The following BACH2 variants were observed in gnomAD, a reference collection of about 807,000 sequenced individuals.
BACH2 encodes transcription regulator protein BACH2.
A neutral mutation model predicts 61.8 loss-of-function variants in BACH2; 5 were observed. The ratio of observed to expected loss-of-function variants is 0.08; its 90% confidence interval spans 0.04 to 0.17. The LOEUF (loss-of-function observed/expected upper bound fraction) is 0.17. Ranked by LOEUF, BACH2 falls within the 10% of genes least tolerant of loss-of-function variation. The pLI is 1.00. For missense variants in BACH2, 824 were observed against 1,091.1 expected (o/e 0.76, Z 3.45); for synonymous variants, 446 against 440.1 (o/e 1.01, Z -0.17).
chr6:90,027,869 G>A (rs749536376), intron 5 of BACH2, among the ~76,000 whole-genome samples: 8 of 152,208 alleles, frequency 5.3e-5, no homozygotes, highest in Non-Finnish European at 7.4e-5. Flanking sequence ...CTTATGAAAA[G>A]AAAGTTAATT....
intron 5 of BACH2, among the ~76,000 whole-genome samples, chr6:90,069,726 A>G (rs1462433134): frequency 2.6e-5 from 4 of 152,260 alleles, no homozygotes; most frequent in Non-Finnish European, 5.9e-5. Flanking sequence ...TGTATTCATT[A>G]GAACAATCCT....
At chr6:90,129,294 A>T (rs960373298) in intron 4 of BACH2, among the ~76,000 whole-genome samples, 1 of 152,122 alleles carries the variant, frequency 6.6e-6, no homozygotes, top group Non-Finnish European at 1.5e-5. Context: ...AGCCCTAAAA[A>T]CTTCATTAAG....
At chr6:90,230,301 T>C (rs1041145061) in intron 3 of BACH2, among the ~76,000 whole-genome samples, 3 of 152,246 alleles carry the variant, frequency 2.0e-5, no homozygotes, top group African/African-American at 7.2e-5. Flanking sequence ...TGGATTATTG[T>C]ACGGATTTGG....
chr6:90,017,547 C>A (rs746637600), intron 5 of BACH2, among the ~76,000 whole-genome samples: 2 of 152,060 alleles, frequency 1.3e-5, no homozygotes, highest in Non-Finnish European at 2.9e-5. Flanking sequence ...TATTGCTAAC[C>A]CTTCGAGTTC....
chr6:90,174,623 A>T (rs759056139), intron 4 of BACH2, among the ~76,000 whole-genome samples: 21 of 152,090 alleles, frequency 1.4e-4, no homozygotes, highest in Non-Finnish European at 2.1e-4. Context: ...TTTTATTAAT[A>T]AGGAAGCCAA....
At chr6:90,016,727 T>C (rs1484228275) in intron 5 of BACH2, among the ~76,000 whole-genome samples, 1 of 152,214 alleles carries the variant, frequency 6.6e-6, no homozygotes, top group Non-Finnish European at 1.5e-5. Context: ...GATAAATTAT[T>C]TCAACTTTTC....
chr6:90,087,329 A>C (rs185979699), intron 5 of BACH2, among the ~76,000 whole-genome samples: 61 of 152,328 alleles, frequency 4.0e-4, no homozygotes, highest in African/African-American at 1.4e-3. Flanking sequence ...AAATGCCCAG[A>C]AATTTCTCAA....
At chr6:90,077,890 T>C (rs1781543940) in intron 5 of BACH2, among the ~76,000 whole-genome samples, 1 of 152,138 alleles carries the variant, frequency 6.6e-6, no homozygotes, top group South Asian at 2.1e-4. Flanking sequence ...CAGCATCTAA[T>C]CCTGAAGGCT....
intron 6 of BACH2, among the ~76,000 whole-genome samples, chr6:89,975,142 T>C (rs1313846710): frequency 1.3e-5 from 2 of 152,176 alleles, no homozygotes; most frequent in African/African-American, 4.8e-5. Flanking sequence ...CATGATGATG[T>C]TTTCTGGGAG....
In BACH2 at chr6:90,061,437, A is replaced by G. The variant is rs138674967; in HGVS notation, c.-13+27524T>C. 3.6e-4 allele frequency among the ~76,000 whole-genome samples: 55 copies of G among 152,276 alleles called. No individual in the cohort carries two copies. The East Asian group carries it at 9.4e-3, about 26-fold the overall frequency. ...GTAGGTTAGGGCGTGGGTAGAAATT[A>G]AGAGTTCTGTTTTGAATATGTTAAG... On this transcript the variant is annotated intron_variant, in intron 5 of 8. Coordinates refer to ENST00000257749, the MANE Select transcript of BACH2 (RefSeq NM_021813.4).
At position 89,950,982 on chromosome 6, in the gene BACH2, C is replaced by T. The variant is rs1295141673; in HGVS notation, c.1124G>A (p.Gly375Glu). The change falls in exon 7 of 9, where the codon GGG becomes GAG. Residue 375 changes from glycine to glutamate, a missense_variant. Coordinates refer to ENST00000257749, the MANE Select transcript of BACH2 (RefSeq NM_021813.4). This position sits in a 1 kb window ranked among gnomAD's most constrained non-coding sequence, Gnocchi z 5.3. ...AGTTTTAAGGTCACCCTGAGTGATC[C>T]CCTTGTCAAAAGGGCAGGCTGGACT... ...ARSPACPFDK[G>E]ITQGDLKTDY... 4 of 1,577,736 alleles carry T rather than the reference C, an allele frequency of 2.5e-6. No homozygotes were observed. Among genetic ancestry groups the T allele is most frequent in the Non-Finnish European group, 3.4e-6 (4 of 1,162,834 alleles).
At chr6:90,036,471 ATAT>A (rs1475656384) in intron 5 of BACH2, among the ~76,000 whole-genome samples, 16 of 152,200 alleles carry the variant, frequency 1.1e-4, no homozygotes, top group Non-Finnish European at 2.9e-5. Flanking sequence ...TTTTTCTAAC[ATAT>A]TATGAACAAT....
chr6:90,162,312 G>A (rs571694586), intron 4 of BACH2, among the ~76,000 whole-genome samples: 40 of 152,214 alleles, frequency 2.6e-4, no homozygotes, highest in Non-Finnish European at 4.9e-4. Flanking sequence ...AAATGGTGTG[G>A]GTTAAAAGAA....
At chr6:90,288,411 C>A (rs1772084222) in intron 1 of BACH2, among the ~76,000 whole-genome samples, 1 of 152,104 alleles carries the variant, frequency 6.6e-6, no homozygotes, top group Non-Finnish European at 1.5e-5. Context: ...AAAATAAGCA[C>A]AGTACTATAC....
At chr6:90,171,419 G>GAA (rs539946494) in intron 4 of BACH2, among the ~76,000 whole-genome samples, 1 of 131,812 alleles carries the variant, frequency 7.6e-6, no homozygotes, top group African/African-American at 2.8e-5. Context: ...GTCTCAAGAA[G>GAA]AAAAAAAAAA....
intron 3 of BACH2, among the ~76,000 whole-genome samples, chr6:90,242,151 GT>G: frequency 6.6e-6 from 1 of 152,276 alleles, no homozygotes; most frequent in East Asian, 1.9e-4. Context: ...ATGTTACACA[GT>G]TGTATGGGTT....
intron 4 of BACH2, among the ~76,000 whole-genome samples, chr6:90,205,005 C>T (rs1166915235): frequency 6.6e-6 from 1 of 152,144 alleles, no homozygotes; most frequent in African/African-American, 2.4e-5. Context: ...GATAAAGCGG[C>T]CAGAGTCTCC....
chr6:90,065,962 T>C (rs965689560), intron 5 of BACH2, among the ~76,000 whole-genome samples: 1 of 152,208 alleles, frequency 6.6e-6, no homozygotes, highest in African/African-American at 2.4e-5. Flanking sequence ...ACAAAAAACT[T>C]GGGCAGCATT....
At chr6:89,993,659 G>T (rs926616723) in intron 6 of BACH2, among the ~76,000 whole-genome samples, 2 of 152,158 alleles carry the variant, frequency 1.3e-5, no homozygotes, top group South Asian at 4.1e-4. Context: ...TAGGCATGAT[G>T]AAGGGAAACC....
Sources: gnomAD v4.1 joint callset for allele counts (sites outside exome capture counted in the v4.1 genomes callset) on GRCh38, gnomAD v4.1.1 for gene constraint, Gnocchi (gnomAD v3.1) non-coding constraint, MANE v1.5 for transcripts, NCBI Gene and HGNC (gene_info 2026-07-23, HGNC 2026-07-21) for gene names.